Variants in BHLHE40 observed in about 807,000 individuals in gnomAD.
BHLHE40 encodes class E basic helix-loop-helix protein 40.
A neutral mutation model predicts 35.7 loss-of-function variants in BHLHE40; 3 were observed. That is an observed-to-expected ratio of 0.08 (90% confidence interval 0.04 to 0.22). The LOEUF (loss-of-function observed/expected upper bound fraction) is 0.22. Ranked by LOEUF, BHLHE40 falls within the 10% of genes least tolerant of loss-of-function variation. The probability of loss-of-function intolerance (pLI) is 1.00; values close to 1 mark genes in which losing one functional copy is unlikely to be tolerated. For missense variants in BHLHE40, 486 were observed against 524.0 expected (o/e 0.93, Z 0.71); for synonymous variants, 236 against 213.0 (o/e 1.11, Z -0.94).
chr3:4,983,620 G>A lies in BHLHE40; in HGVS notation c.1167G>A (p.Pro389=), dbSNP rs113554182. 43 of 1,613,938 alleles carry A rather than the reference G, an allele frequency of 2.7e-5. No individual in the cohort carries two copies. The highest frequency in any genetic ancestry group is 1.7e-4 in the African/African-American group (13 of 74,892). The change falls in exon 5 of 5, where the codon CCG becomes CCA. Residue 389 remains proline, a synonymous_variant. Coordinates refer to ENST00000256495, the MANE Select transcript of BHLHE40 (RefSeq NM_003670.3). The surrounding 1 kb of genome is among the most constrained non-coding windows in gnomAD (Gnocchi z 5.0). ...QRLPSPLPAH[P]SVDSSVLLQA... ...TCCCTTCTCCCTTGCCAGCTCATCC[G>A]TCCGTCGACTCTTCTGTCTTGCTCC... is the stretch of plus-strand genomic sequence containing the variant.
At chr3:4,981,652 C>G in intron 4 of BHLHE40, 137 bp downstream of exon 4, 1 of 1,208,328 alleles carries the variant, frequency 8.3e-7, no homozygotes, top group East Asian at 2.5e-5. Context: ...GCAGTTTTAT[C>G]TTTCCTAAAA....
At position 4,979,698 on chromosome 3, in the gene BHLHE40, G is replaced by C; in HGVS notation, c.-21G>C. 6.4e-7 allele frequency: 1 copy of C among 1,551,292 alleles called. No individual in the cohort carries two copies. The highest frequency in any genetic ancestry group is 1.2e-5 in the South Asian group (1 of 84,166). On this transcript the variant is annotated 5_prime_UTR_variant, in exon 1 of 5. Transcript: ENST00000256495. Reference sequence around the variant, plus strand: ...CCGCTAGTGCAGACAGGAGCGCGCAGTGGCCCCGGCTCGCCGCGCCATGGA... The same window carrying C: ...CCGCTAGTGCAGACAGGAGCGCGCACTGGCCCCGGCTCGCCGCGCCATGGA...
chr3:4,983,306 C>T lies in BHLHE40; in HGVS notation c.853C>T (p.Pro285Ser). Reference sequence around the variant, plus strand: ...CGCAATTAAGCAAGAGTCCGAAGAACCCCCCACAAAAAAGAACCGGATGCA... The same window carrying T: ...CGCAATTAAGCAAGAGTCCGAAGAATCCCCCACAAAAAAGAACCGGATGCA... ...IGAIKQESEE[P>S]PTKKNRMQLS... Residue 285 changes from proline (P) to serine (S), a missense_variant, in exon 5 of 5, where the codon CCC (proline) becomes TCC (serine). Coordinates refer to ENST00000256495, the MANE Select transcript of BHLHE40 (RefSeq NM_003670.3). The surrounding 1 kb of genome is among the most constrained non-coding windows in gnomAD (Gnocchi z 5.0). 6.2e-7 allele frequency: 1 copy of T among 1,614,162 alleles called. No homozygotes were observed. Among genetic ancestry groups the T allele is most frequent in the Non-Finnish European group, 8.5e-7 (1 of 1,180,036 alleles).
Position 4,981,377 on chromosome 3 carries a change from C to A in BHLHE40, c.259-15C>A. ...TCTCTGACCTCACCGCTGACTAAGG[C>A]TCTTTTCCTTCCAGACTTTGGGTCA... On this transcript the variant is annotated splice_polypyrimidine_tract_variant and intron_variant, in intron 3 of 4. Transcript: ENST00000256495. 6.2e-7 allele frequency: 1 copy of A among 1,613,264 alleles called. No individual in the cohort carries two copies. The highest frequency in any genetic ancestry group is 8.5e-7 in the Non-Finnish European group (1 of 1,179,600).
chr3:4,980,056 C>T (rs755850229), intron 2 of BHLHE40, 25 bp downstream of exon 2: 37 of 1,611,920 alleles, frequency 2.3e-5, no homozygotes, highest in Middle Eastern at 1.7e-4. Flanking sequence ...CCCTAGGGAC[C>T]CTGCGCTCAG....
At position 4,983,816 on chromosome 3, in the gene BHLHE40, A is replaced by G. The variant is rs2053222889; in HGVS notation, c.*124A>G. ...TATACTGAGATAATCTGAGGCATGG[A>G]GAGCAGATTCAGGGTGTGTGTGTGT... On this transcript the variant is annotated 3_prime_UTR_variant, in exon 5 of 5. Coordinates refer to ENST00000256495, the MANE Select transcript of BHLHE40 (RefSeq NM_003670.3). This position sits in a 1 kb window ranked among gnomAD's most constrained non-coding sequence, Gnocchi z 5.0. The G allele has an allele frequency of 7.9e-7, 1 of 1,266,154 alleles. No individual in the cohort carries two copies. The highest frequency in any genetic ancestry group is 2.4e-5 in the Admixed American group (1 of 41,222). 78.4% of individuals were successfully genotyped at this position (1,266,154 alleles called of 1,614,324 possible).
At position 4,985,202 on chromosome 3, in the gene BHLHE40, A is replaced by T. The variant is rs943568418; in HGVS notation, c.*1510A>T. ...AGAAAGATGGTCTCCTGAGTTTTTT[A>T]AAATAGCTCACTTGGTGTGATATGG... On this transcript the variant is annotated 3_prime_UTR_variant, in exon 5 of 5. Transcript: ENST00000256495. 2.6e-5 allele frequency: 4 copies of T among 152,552 alleles called. No individual in the cohort carries two copies. Among genetic ancestry groups the T allele is most frequent in the Non-Finnish European group, 5.9e-5 (4 of 68,038 alleles). 9.4% of individuals were successfully genotyped at this position (152,552 alleles called of 1,614,324 possible).
intron 3 of BHLHE40, among the ~76,000 whole-genome samples, 155 bp downstream of exon 3, chr3:4,980,563 G>A: frequency 6.6e-6 from 1 of 152,152 alleles, no homozygotes; most frequent in Non-Finnish European, 1.5e-5. Context: ...CACAGTCCTG[G>A]CGTTTTCTGG....
chr3:4,983,665 C>G lies in BHLHE40; in HGVS notation c.1212C>G (p.Pro404=). Residue 404 remains proline, a synonymous_variant, in exon 5 of 5, where the codon CCC becomes CCG. Transcript: ENST00000256495. This position sits in a 1 kb window ranked among gnomAD's most constrained non-coding sequence, Gnocchi z 5.0. ...SVLLQALKPI[P]PLNLETKD ...TGCTCCAAGCTCTGAAGCCAATCCC[C>G]CCTTTAAACTTAGAAACCAAAGACT... The G allele has an allele frequency of 6.2e-7, 1 of 1,610,580 alleles. No individual in the cohort carries two copies. Among genetic ancestry groups the G allele is most frequent in the East Asian group, 2.2e-5 (1 of 44,808 alleles).
chr3:4,980,258 TCTC>T, intron 2 of BHLHE40, 40 bp from the exon 3 acceptor site: 3 of 1,553,420 alleles, frequency 1.9e-6, no homozygotes, highest in Non-Finnish European at 2.7e-6. Flanking sequence ...AGGCTTCTCA[TCTC>T]CTTCCCCAAG....
intron 4 of BHLHE40, 149 bp from the exon 5 acceptor site, chr3:4,982,687 G>T: frequency 2.2e-6 from 2 of 900,630 alleles, no homozygotes; most frequent in Non-Finnish European, 1.7e-6. Context: ...ATTCTTCTCT[G>T]AGCATACTAC....
chr3:4,983,563 G>A lies in BHLHE40; in HGVS notation c.1110G>A (p.Lys370=), dbSNP rs184027436. The A allele has an allele frequency of 2.2e-5, 36 of 1,614,112 alleles. No homozygotes were observed. In the East Asian group the frequency reaches 7.6e-4, roughly 34 times the overall value. ...TCTCTAGCTTCATGAACCCAGACAA[G>A]ATCTCGGCTCCCTTGCTCATGCCCC... ...AALSSFMNPD[K]ISAPLLMPQR... Residue 370 remains lysine, a synonymous_variant, in exon 5 of 5, where the codon AAG becomes AAA. Coordinates refer to ENST00000256495, the MANE Select transcript of BHLHE40 (RefSeq NM_003670.3). This position sits in a 1 kb window ranked among gnomAD's most constrained non-coding sequence, Gnocchi z 5.0.
In BHLHE40 at chr3:4,979,687, A is replaced by G; in HGVS notation, c.-32A>G. 6.5e-7 allele frequency: 1 copy of G among 1,549,698 alleles called. No homozygotes were observed. Among genetic ancestry groups the G allele is most frequent in the Non-Finnish European group, 8.7e-7 (1 of 1,146,482 alleles). On this transcript the variant is annotated 5_prime_UTR_variant, in exon 1 of 5. Transcript: ENST00000256495. The stretch of plus-strand genomic sequence containing the variant: ...ATCCAGACGCTCCGCTAGTGCAGAC[A>G]GGAGCGCGCAGTGGCCCCGGCTCGC...
intron 2 of BHLHE40, 99 bp downstream of exon 2, chr3:4,980,130 G>A (rs1233547538): frequency 2.2e-6 from 3 of 1,334,170 alleles, no homozygotes; most frequent in Non-Finnish European, 1.1e-6. Context: ...AGGGGATGCA[G>A]GGTGTGGGCT....
chr3:4,980,154 G>C (rs548030968), intron 2 of BHLHE40, 123 bp downstream of exon 2: 1 of 1,163,640 alleles, frequency 8.6e-7, no homozygotes, highest in South Asian at 1.3e-5. Context: ...TGCCTCTTCT[G>C]AGTGACTTGG....
In BHLHE40 at chr3:4,981,450, C is replaced by T; in HGVS notation, c.317C>T (p.Ala106Val). The T allele has an allele frequency of 6.2e-7, 1 of 1,614,088 alleles. No homozygotes were observed. The highest frequency in any genetic ancestry group is 8.5e-7 in the Non-Finnish European group (1 of 1,179,996). Residue 106 changes from alanine to valine, a missense_variant, in exon 4 of 5, where the codon GCA (alanine) becomes GTA (valine). Transcript: ENST00000256495. Reference sequence around the variant, plus strand: ...GAACTTACCTTGAAGCATGTGAAAGCACTAACAAACCTAATTGATCAGCAG... The same window carrying T: ...GAACTTACCTTGAAGCATGTGAAAGTACTAACAAACCTAATTGATCAGCAG... ...VLELTLKHVK[A>V]LTNLIDQQQQ...
intron 4 of BHLHE40, 39 bp from the exon 5 acceptor site, chr3:4,982,797 C>A (rs779672732): frequency 1.2e-5 from 20 of 1,612,194 alleles, no homozygotes; most frequent in Non-Finnish European, 1.5e-5. Context: ...GCGCCACAGG[C>A]CTTCTGAAAC....
chr3:4,983,063 A>G lies in BHLHE40; in HGVS notation c.610A>G (p.Lys204Glu), dbSNP rs984823445. ...PAPKVMDFKE[K>E]PSSPAKGSEG... ...TCCCAAAGTGATGGACTTCAAGGAAAAACCCAGCTCTCCGGCCAAAGGTTC... is the reference window on the plus strand; with the variant it reads ...TCCCAAAGTGATGGACTTCAAGGAAGAACCCAGCTCTCCGGCCAAAGGTTC... Residue 204 changes from lysine (K) to glutamate (E), a missense_variant, in exon 5 of 5, where the codon AAA (lysine) becomes GAA (glutamate). This residue lies in a region of BHLHE40 where 176 missense variants were observed against 180.5 expected (regional missense o/e 0.98). Coordinates refer to ENST00000256495, the MANE Select transcript of BHLHE40 (RefSeq NM_003670.3). The surrounding 1 kb of genome is among the most constrained non-coding windows in gnomAD (Gnocchi z 5.0). 1.9e-6 allele frequency: 3 copies of G among 1,614,170 alleles called. No homozygotes were observed. Among genetic ancestry groups the G allele is most frequent in the African/African-American group, 1.3e-5 (1 of 75,046 alleles).
chr3:4,983,154 A>G lies in BHLHE40; in HGVS notation c.701A>G (p.Gln234Arg). 6.2e-7 allele frequency: 1 copy of G among 1,614,136 alleles called. No individual in the cohort carries two copies. Among genetic ancestry groups the G allele is most frequent in the Non-Finnish European group, 8.5e-7 (1 of 1,179,978 alleles). ...QRTFAHSSGE[Q>R]SGSDTDTDSG... ...ACTTTCGCTCACTCGAGTGGGGAGCAGAGCGGCAGCGACACGGACACAGAC... is the reference window on the plus strand; with the variant it reads ...ACTTTCGCTCACTCGAGTGGGGAGCGGAGCGGCAGCGACACGGACACAGAC... Residue 234 changes from glutamine to arginine, a missense_variant, in exon 5 of 5, where the codon CAG becomes CGG. Physicochemically the swap from Gln to Arg is conservative, Grantham distance 43 (BLOSUM62 1). This residue lies in a region of BHLHE40 where 6 missense variants were observed against 24.6 expected (regional missense o/e 0.24). Coordinates refer to ENST00000256495, the MANE Select transcript of BHLHE40 (RefSeq NM_003670.3). This position sits in a 1 kb window ranked among gnomAD's most constrained non-coding sequence, Gnocchi z 5.0.
Sources: gnomAD v4.1 joint callset for allele counts (sites outside exome capture counted in the v4.1 genomes callset) on GRCh38, gnomAD v4.1.1 for gene constraint, gnomAD v4.1.1 regional missense constraint, Gnocchi (gnomAD v3.1) non-coding constraint, MANE v1.5 for transcripts, NCBI Gene and HGNC (gene_info 2026-07-23, HGNC 2026-07-21) for gene names.